Variants in WASHC5 observed in about 807,000 individuals in gnomAD.
The protein encoded by WASHC5 is WASH complex subunit strumpellin.
Under a neutral mutation model 150.4 loss-of-function variants are expected in WASHC5, and 101 were observed. The observed-to-expected ratio is 0.67, with a 90% CI of 0.57 to 0.79. The LOEUF is 0.79. Ranked by LOEUF, WASHC5 falls within the 30% of genes least tolerant of loss-of-function variation. The pLI is 0.00. For synonymous variants in WASHC5, 467 were observed against 491.2 expected, an observed-to-expected ratio of 0.95 and a Z score of 0.65; for missense variants, 1,195 against 1,396.3, an observed-to-expected ratio of 0.86 and a Z score of 2.30.
chr8:125,032,614 A>G (rs1386033981), intron 26 of WASHC5: 1 of 571,536 alleles, frequency 1.7e-6, no homozygotes, highest in East Asian at 3.0e-5. Flanking sequence ...AACGGTTACT[A>G]AATTTTGTAA....
At chr8:125,078,482 T>A (rs1817129116) in intron 6 of WASHC5, among the ~76,000 whole-genome samples, 1 of 152,204 alleles carries the variant, frequency 6.6e-6, no homozygotes. Context: ...TCAACAACCA[T>A]TTCTTGAATG....
intron 1 of WASHC5, among the ~76,000 whole-genome samples, chr8:125,087,797 T>G (rs751266029): frequency 3.1e-4 from 47 of 151,904 alleles, no homozygotes; most frequent in Non-Finnish European, 5.9e-5. Context: ...TTAAGAATAG[T>G]TCATATCTGA....
chr8:125,056,955 G>C (rs1165107399), intron 15 of WASHC5, 138 bp from the exon 16 acceptor site: 1 of 915,888 alleles, frequency 1.1e-6, no homozygotes, highest in Non-Finnish European at 1.8e-6. Context: ...ACTGCTGGCA[G>C]GCACAGGGCT....
chr8:125,030,600 T>A (rs1247910550), intron 27 of WASHC5, among the ~76,000 whole-genome samples: 1 of 132,324 alleles, frequency 7.6e-6, no homozygotes, highest in Non-Finnish European at 1.5e-5. Flanking sequence ...ATCACGCCAC[T>A]GCACTCCAAC....
At position 125,024,469 on chromosome 8, in the gene WASHC5, T is replaced by C. The variant is rs1171593011; in HGVS notation, c.*148A>G. ...TTATATTAACTAATGCCATGAGATA[T>C]ATCTTACTCAGAACGTCTGATGTTT... On this transcript the variant is annotated 3_prime_UTR_variant, in exon 29 of 29. Transcript: ENST00000318410. 1.8e-5 allele frequency: 13 copies of C among 703,178 alleles called. No individual in the cohort carries two copies. Among genetic ancestry groups the C allele is most frequent in the South Asian group, 1.4e-4 (9 of 64,956 alleles). The allele number at this position is 703,178 out of a possible 1,614,324, so 43.6% of individuals were successfully genotyped here. A position where few individuals can be genotyped will look rare whatever the true frequency, so the allele number is the denominator to read the frequency against.
chr8:125,085,405 G>A (rs1817390925), intron 1 of WASHC5, among the ~76,000 whole-genome samples: 1 of 152,110 alleles, frequency 6.6e-6, no homozygotes, highest in African/African-American at 2.4e-5. Flanking sequence ...TTAGAAGATG[G>A]ATTTGAAATC....
At chr8:125,043,305 G>A (rs1272312997) in intron 23 of WASHC5, among the ~76,000 whole-genome samples, 5 of 152,186 alleles carry the variant, frequency 3.3e-5, no homozygotes, top group Non-Finnish European at 5.9e-5. Context: ...AAATAAGTTA[G>A]ACTTCCATCC....
At chr8:125,079,008 C>G in intron 5 of WASHC5, 78 bp from the exon 6 acceptor site, 21 of 1,189,898 alleles carry the variant, frequency 1.8e-5, no homozygotes, top group Non-Finnish European at 2.5e-5. Context: ...AAGTAGAATT[C>G]CATTCTACTT....
chr8:125,083,892 C>T lies in WASHC5; in HGVS notation c.7G>A (p.Asp3Asn). The change falls in exon 2 of 29, where the codon GAC (aspartate) becomes AAC (asparagine). Residue 3 changes from aspartate (D) to asparagine (N), a missense_variant. Around this residue, in one of 3 missense-constraint regions of WASHC5, gnomAD observed 195 missense variants for 206.9 expected, o/e 0.94. Transcript: ENST00000318410. Reference protein sequence around the residue: MLDFLAENNLCGQ... With the variant: MLNFLAENNLCGQ... ...CAGAGGTTGTTCTCGGCTAGAAAGT[C>T]CAACATTGTGAGGCGGACCGACTAC... 1.2e-6 allele frequency: 2 copies of T among 1,613,718 alleles called. No individual in the cohort carries two copies. Among genetic ancestry groups the T allele is most frequent in the Non-Finnish European group, 1.7e-6 (2 of 1,179,834 alleles).
intron 7 of WASHC5, 30 bp downstream of exon 7, chr8:125,076,318 C>G (rs746209057): frequency 6.2e-7 from 1 of 1,606,224 alleles, no homozygotes; most frequent in Admixed American, 1.7e-5. Flanking sequence ...AACACATTTA[C>G]TGTAGAGGAA....
Position 125,044,217 on chromosome 8 carries a change from G to C in WASHC5, c.2668-123C>G, listed in dbSNP as rs563827425. On this transcript the variant is annotated intron_variant, in intron 21 of 28. Transcript: ENST00000318410. Reference sequence around the variant, plus strand: ...CTAAGTCACACAAAACCTCTAAACAGGATGACAGCAAAAAGAAGCAACTTC... The same window carrying C: ...CTAAGTCACACAAAACCTCTAAACACGATGACAGCAAAAAGAAGCAACTTC... 218 of 748,806 alleles carry C rather than the reference G, an allele frequency of 2.9e-4. 1 individual carries two copies. The highest frequency in any genetic ancestry group is 4.6e-4 in the Non-Finnish European group (197 of 429,616). 46.4% of individuals were successfully genotyped at this position (748,806 alleles called of 1,614,324 possible).
intron 8 of WASHC5, 66 bp from the exon 9 acceptor site, chr8:125,073,390 A>G (rs1376793681): frequency 7.5e-7 from 1 of 1,326,050 alleles, no homozygotes; most frequent in Non-Finnish European, 1.1e-6. Flanking sequence ...ATCACATTCA[A>G]ATGAATTCAC....
At chr8:125,058,760 T>C (rs944671180) in intron 14 of WASHC5, among the ~76,000 whole-genome samples, 1 of 152,084 alleles carries the variant, frequency 6.6e-6, no homozygotes, top group African/African-American at 2.4e-5. Context: ...CTGAGTAGAC[T>C]CTTTGTTCAT....
intron 16 of WASHC5, 127 bp from the exon 17 acceptor site, chr8:125,055,798 C>G (rs544447997): frequency 5.5e-6 from 4 of 724,966 alleles, no homozygotes; most frequent in African/African-American, 5.2e-5. Context: ...AAATGAGGCT[C>G]TGTGGTACAA....
intron 9 of WASHC5, among the ~76,000 whole-genome samples, chr8:125,069,901 C>G (rs1247420491): frequency 4.6e-5 from 7 of 152,168 alleles, no homozygotes; most frequent in Admixed American, 3.3e-4. Context: ...TTTTAATCTG[C>G]TTTCATGTTT....
intron 11 of WASHC5, among the ~76,000 whole-genome samples, chr8:125,062,802 TAAAAC>T (rs897035446): frequency 3.9e-5 from 6 of 152,178 alleles, no homozygotes; most frequent in Admixed American, 1.3e-4. Context: ...ATCTGATAGT[TAAAAC>T]AAAATTAAGC....
At chr8:125,034,980 ATACAGTTTCAAGGCTCTCTT>A (rs1815656381) in intron 26 of WASHC5, among the ~76,000 whole-genome samples, 1 of 152,252 alleles carries the variant, frequency 6.6e-6, no homozygotes, top group African/African-American at 2.4e-5. Context: ...TTTTTCGGAT[ATACAGTTTCAAGGCTCTCTT>A]TACAGTTTCA....
At chr8:125,061,275 A>G in intron 11 of WASHC5, 81 bp from the exon 12 acceptor site, 1 of 814,984 alleles carries the variant, frequency 1.2e-6, no homozygotes, top group Non-Finnish European at 2.0e-6. Flanking sequence ...ATAATCTTTT[A>G]TAAATTCAGT....
At chr8:125,069,448 G>C (rs1399019261) in intron 9 of WASHC5, among the ~76,000 whole-genome samples, 2 of 152,286 alleles carry the variant, frequency 1.3e-5, no homozygotes, top group South Asian at 4.1e-4. Flanking sequence ...ATAGGTATAA[G>C]GTATATGGTA....
Sources: gnomAD v4.1 joint callset for allele counts (sites outside exome capture counted in the v4.1 genomes callset) on GRCh38, gnomAD v4.1.1 for gene constraint, gnomAD v4.1.1 regional missense constraint, MANE v1.5 for transcripts, NCBI Gene and HGNC (gene_info 2026-07-23, HGNC 2026-07-21) for gene names.